Variants in UPF3B observed in about 807,000 individuals in gnomAD.
UPF3B encodes UPF3B regulator of nonsense mediated mRNA decay, also known as regulator of nonsense transcripts 3B.
In UPF3B, 7 loss-of-function variants were observed where a neutral mutation model predicts 40.3. The observed-to-expected ratio is 0.17, with a 90% CI of 0.10 to 0.33. The LOEUF is 0.33. UPF3B is among the 10% of genes least tolerant of loss of function. The probability of loss-of-function intolerance (pLI) is 1.00; values close to 1 mark genes in which losing one functional copy is unlikely to be tolerated. For synonymous variants in UPF3B, 117 were observed against 117.3 expected, an observed-to-expected ratio of 1.00 and a Z score of 0.01; for missense variants, 229 against 358.9, an observed-to-expected ratio of 0.64 and a Z score of 2.93.
chrX:119,811,729 A>G (rs1373483530), intron 5 of UPF3B, among the ~76,000 whole-genome samples: 1 of 110,579 alleles, frequency 9.0e-6, no homozygotes, highest in African/African-American at 3.3e-5. Flanking sequence ...AGGTGGGCGG[A>G]TTGCTTGAGC....
chrX:119,841,842 G>T, intron 5 of UPF3B, 64 bp from the exon 6 acceptor site: 1 of 991,041 alleles, frequency 1.0e-6, no homozygotes, highest in South Asian at 2.0e-5. Context: ...TCCATTTTCT[G>T]ACATTCCCTG....
intron 5 of UPF3B, among the ~76,000 whole-genome samples, chrX:119,812,732 TTAAG>T (rs918094145): frequency 1.8e-5 from 2 of 111,546 alleles, no homozygotes; most frequent in African/African-American, 6.5e-5. Context: ...ACTCTCCCTC[TTAAG>T]TAACAGAATC....
intron 3 of UPF3B, among the ~76,000 whole-genome samples, chrX:119,825,922 G>A (rs1016047142): frequency 1.8e-5 from 2 of 111,887 alleles, no homozygotes; most frequent in Non-Finnish European, 3.8e-5. Flanking sequence ...ACTCTGGGAG[G>A]TCAAGGCAAG....
chrX:119,814,114 T>G (rs1357747847), intron 5 of UPF3B, among the ~76,000 whole-genome samples: 1 of 112,083 alleles, frequency 8.9e-6, no homozygotes, highest in Non-Finnish European at 1.9e-5. Flanking sequence ...AACTTCATAC[T>G]TGAATGCTGT....
chrX:119,843,346 C>T (rs747612943), intron 4 of UPF3B, 45 bp from the exon 5 acceptor site: 1 of 873,963 alleles, frequency 1.1e-6, no homozygotes, highest in Non-Finnish European at 1.7e-6. Flanking sequence ...AGACTTTAAA[C>T]AAAAAAAGAA....
At chrX:119,812,668 A>G (rs999444090) in intron 5 of UPF3B, among the ~76,000 whole-genome samples, 11 of 111,327 alleles carry the variant, frequency 9.9e-5, no homozygotes, top group African/African-American at 3.6e-4. Flanking sequence ...CTTTACCTCT[A>G]TGTAATGTTA....
At position 119,851,825 on chromosome X, in the gene UPF3B, C is replaced by T. The variant is rs1391978007; in HGVS notation, c.205G>A (p.Glu69Lys). Reference sequence around the variant, plus strand: ...TGCTCAGGCATAGGTTGAAGATGTTCCTGAAGCTGCTCCTTGGTCAAAGTG... The same window carrying T: ...TGCTCAGGCATAGGTTGAAGATGTTTCTGAAGCTGCTCCTTGGTCAAAGTG... ...PPTLTKEQLQ[E>K]HLQPMPEHDY... The change falls in exon 2 of 11, where the codon GAA becomes AAA. Residue 69 changes from glutamate to lysine, a missense_variant. Transcript: ENST00000276201. The T allele has an allele frequency of 8.7e-7, 1 of 1,152,011 alleles. No individual in the cohort carries two copies. The highest frequency in any genetic ancestry group is 1.8e-5 in the South Asian group (1 of 55,525). 94.9% of individuals were successfully genotyped at this position (1,152,011 alleles called of 1,213,427 possible).
chrX:119,820,626 A>ATTTTT (rs370271993), intron 4 of UPF3B, among the ~76,000 whole-genome samples: 6 of 90,166 alleles, frequency 6.7e-5, no homozygotes, highest in Admixed American at 2.5e-4. Context: ...AGCCTGGCCA[A>ATTTTT]TTTTTTTTTT....
chrX:119,825,422 C>G (rs1168510120), intron 3 of UPF3B, among the ~76,000 whole-genome samples: 1 of 111,190 alleles, frequency 9.0e-6, no homozygotes, highest in Non-Finnish European at 1.9e-5. Flanking sequence ...TATACACAGC[C>G]AAACTATATC....
intron 4 of UPF3B, among the ~76,000 whole-genome samples, chrX:119,820,162 A>G (rs1200554433): frequency 1.1e-5 from 1 of 90,867 alleles, no homozygotes; most frequent in African/African-American, 4.2e-5. Context: ...TGTTGTGGGG[A>G]GGATGGAGTC....
rs1359198376 is a variant in UPF3B, at chrX:119,851,535, G to A, written c.330C>T (p.Phe110=). The A allele has an allele frequency of 2.5e-6, 3 of 1,207,422 alleles. No individual in the cohort carries two copies. In the African/African-American group the frequency reaches 5.3e-5, roughly 21 times the overall value. ...ATACATAACCATCAAAGCGATCCCT[G>A]AACAAAATAATGTCCTCTTGGTTTT... ...NFKNQEDIIL[F]RDRFDGYVFL... Residue 110 remains phenylalanine, a synonymous_variant, in exon 3 of 11, where the codon TTC becomes TTT. Transcript: ENST00000276201.
chrX:119,812,494 G>T (rs2055834367), intron 5 of UPF3B, among the ~76,000 whole-genome samples: 1 of 111,197 alleles, frequency 9.0e-6, no homozygotes, highest in Non-Finnish European at 1.9e-5. Flanking sequence ...GTCACTGAAT[G>T]CCATGGCTTT....
chrX:119,820,941 T>G (rs1448763337), intron 4 of UPF3B, among the ~76,000 whole-genome samples: 1 of 111,705 alleles, frequency 9.0e-6, no homozygotes, highest in Non-Finnish European at 1.9e-5. Context: ...CTCAAGGATG[T>G]TGTCTAAACA....
At chrX:119,835,960 T>C (rs768204147) in intron 10 of UPF3B, among the ~76,000 whole-genome samples, 7 of 105,826 alleles carry the variant, frequency 6.6e-5, no homozygotes, top group African/African-American at 2.4e-4. Flanking sequence ...CTGGGTGACA[T>C]AGCAAGACTC....
chrX:119,836,280 G>A (rs1455510667), intron 10 of UPF3B, among the ~76,000 whole-genome samples: 5 of 109,979 alleles, frequency 4.5e-5, no homozygotes, highest in African/African-American at 1.7e-4. Context: ...ACTTGAACCC[G>A]GGAGGTGGAG....
At chrX:119,823,784 A>G (rs1203986252) in intron 3 of UPF3B, among the ~76,000 whole-genome samples, 1 of 109,715 alleles carries the variant, frequency 9.1e-6, no homozygotes, top group Non-Finnish European at 1.9e-5. Context: ...GGCTGATCTC[A>G]CACTCCTGAC....
At chrX:119,833,191 T>C (rs2056054713), downstream of UPF3B, among the ~76,000 whole-genome samples, 1 of 112,215 alleles carries the variant, frequency 8.9e-6, no homozygotes, top group African/African-American at 3.2e-5. Flanking sequence ...GGTGCTCAAA[T>C]ATTGTTTAGA....
rs2055839291 is a variant in UPF3B at position 119,813,358 on chromosome X, C to T, written c.602+1842G>A. ...CTGTCCTCTCCATAGTGAGTTCTTACAGAGCTGGTTGTTGTAAAGTGTGGC... is the reference window on the plus strand; with the variant it reads ...CTGTCCTCTCCATAGTGAGTTCTTATAGAGCTGGTTGTTGTAAAGTGTGGC... On this transcript the variant is annotated intron_variant, in intron 5 of 6. Coordinates refer to the UPF3B transcript ENST00000636792. Among the ~76,000 whole-genome samples the T allele has an allele frequency of 2.7e-5, 3 of 109,361 alleles. No homozygotes were observed. The Admixed American group carries it at 3.0e-4, about 11-fold the overall frequency. The allele number at this position is 109,361 out of a possible 115,157, so 95.0% of individuals were successfully genotyped here. A position where few individuals can be genotyped will look rare whatever the true frequency, so the allele number is the denominator to read the frequency against.
At chrX:119,813,126 C>T (rs935127870) in intron 5 of UPF3B, among the ~76,000 whole-genome samples, 7 of 111,788 alleles carry the variant, frequency 6.3e-5, no homozygotes, top group African/African-American at 1.6e-4. Context: ...CGAACTGATG[C>T]CACGTCAGGA....
Sources: allele counts gnomAD v4.1 joint callset (sites outside exome capture counted in the v4.1 genomes callset), GRCh38; gene constraint gnomAD v4.1.1; transcripts MANE v1.5; gene names NCBI Gene and HGNC (gene_info 2026-07-23, HGNC 2026-07-21).